Variants in FHIP1A observed in about 807,000 individuals in gnomAD.
The protein encoded by FHIP1A is FHF complex subunit HOOK-interacting protein 1A.
FHIP1A carries 61 observed loss-of-function variants against 88.6 expected under a neutral mutation model. The ratio of observed to expected loss-of-function variants is 0.69; its 90% CI spans 0.56 to 0.85. The LOEUF (loss-of-function observed/expected upper bound fraction) is 0.85. FHIP1A is among the 40% of genes least tolerant of loss of function. The pLI, the probability that FHIP1A is intolerant of heterozygous loss-of-function variation, is 0.00. For missense variants in FHIP1A, 1,154 were observed against 1,273.5 expected, an observed-to-expected ratio of 0.91 and a Z score of 1.43; for synonymous variants, 478 against 496.0, an observed-to-expected ratio of 0.96 and a Z score of 0.48.
At chr4:151,526,511 C>A (rs1426114989) in intron 3 of FHIP1A, among the ~76,000 whole-genome samples, 1 of 93,008 alleles carries the variant, frequency 1.1e-5, no homozygotes, top group African/African-American at 3.7e-5. Context: ...CCCTCCCGGA[C>A]GGGGCGGCCG....
chr4:151,430,926 CAG>C (rs1733568712), intron 1 of FHIP1A, among the ~76,000 whole-genome samples: 1 of 152,196 alleles, frequency 6.6e-6, no homozygotes, highest in Non-Finnish European at 1.5e-5. Context: ...ACCTGAGCAA[CAG>C]AGGTTTAGCT....
At chr4:151,595,210 AT>A (rs1256800108) in intron 7 of FHIP1A, among the ~76,000 whole-genome samples, 1 of 152,048 alleles carries the variant, frequency 6.6e-6, no homozygotes, top group Non-Finnish European at 1.5e-5. Flanking sequence ...TGTCCCAGAG[AT>A]TTTGGTATGT....
intron 1 of FHIP1A, among the ~76,000 whole-genome samples, chr4:151,449,846 G>A (rs1434420988): frequency 6.6e-6 from 1 of 152,192 alleles, no homozygotes; most frequent in Non-Finnish European, 1.5e-5. Context: ...TTGATGAAAT[G>A]TGAAATGACA....
At chr4:151,613,972 G>A (rs1735419089) in intron 7 of FHIP1A, among the ~76,000 whole-genome samples, 1 of 152,048 alleles carries the variant, frequency 6.6e-6, no homozygotes, top group Non-Finnish European at 1.5e-5. Flanking sequence ...AGACCAGCCT[G>A]GCTAATATGG....
chr4:151,513,070 C>T (rs899017809), intron 3 of FHIP1A, among the ~76,000 whole-genome samples: 33 of 152,266 alleles, frequency 2.2e-4, no homozygotes, highest in African/African-American at 6.0e-4. Flanking sequence ...AGGTTACCCT[C>T]AAAGGGAAGC....
At chr4:151,632,296 A>G (rs1468168754) in intron 8 of FHIP1A, among the ~76,000 whole-genome samples, 1 of 151,922 alleles carries the variant, frequency 6.6e-6, no homozygotes, top group Admixed American at 6.6e-5. Context: ...ATATGTGTAT[A>G]TATATATATG....
chr4:151,507,721 C>A (rs1472188361), intron 3 of FHIP1A, among the ~76,000 whole-genome samples: 1 of 152,116 alleles, frequency 6.6e-6, no homozygotes. Context: ...AGAAAAATCC[C>A]TACTGCTCTC....
chr4:151,471,056 G>A (rs1300583388), intron 2 of FHIP1A, among the ~76,000 whole-genome samples: 2 of 152,094 alleles, frequency 1.3e-5, no homozygotes, highest in Non-Finnish European at 2.9e-5. Flanking sequence ...AATCTGAGGG[G>A]AATCTTAGTA....
intron 3 of FHIP1A, among the ~76,000 whole-genome samples, chr4:151,533,629 T>C (rs1267318162): frequency 1.3e-5 from 2 of 152,210 alleles, no homozygotes; most frequent in Non-Finnish European, 2.9e-5. Flanking sequence ...TCAGATAGAA[T>C]AGTAAAATTT....
chr4:151,423,714 T>C (rs1008272785), intron 1 of FHIP1A, among the ~76,000 whole-genome samples: 4 of 152,202 alleles, frequency 2.6e-5, no homozygotes, highest in African/African-American at 9.7e-5. Flanking sequence ...ATTAGCACTC[T>C]TCTAGGGACT....
chr4:151,620,253 A>G (rs1447165404), intron 7 of FHIP1A, among the ~76,000 whole-genome samples: 1 of 152,188 alleles, frequency 6.6e-6, no homozygotes, highest in Non-Finnish European at 1.5e-5. Flanking sequence ...CATTTGCCAG[A>G]CTTTGTGTCC....
In FHIP1A at chr4:151,666,934, C is replaced by T. The variant is rs893696514; in HGVS notation, c.*4180C>T. 6.6e-6 allele frequency among the ~76,000 whole-genome samples: 1 copy of T among 152,166 alleles called. No homozygotes were observed. The highest frequency in any genetic ancestry group is 2.4e-5 in the African/African-American group (1 of 41,432). On this transcript the variant is annotated 3_prime_UTR_variant, in exon 14 of 14. Transcript: ENST00000435205. ...GTAAGCCCTTAATTTTAAATGGTCC[C>T]GGCGTGGTGTTCAGTATCTGCATAT...
At position 151,414,180 on chromosome 4, in the gene FHIP1A, A is replaced by G. The variant is rs966822663; in HGVS notation, c.-356+4715A>G. Among the ~76,000 whole-genome samples, 4 of 151,944 alleles carry G rather than the reference A, an allele frequency of 2.6e-5. 1 individual carries two copies. The highest frequency in any genetic ancestry group is 5.9e-5 in the Non-Finnish European group (4 of 67,986). ...ATTCTCTTGCCTTAGCCTCCCGAGT[A>G]GCTGGGACTACAGGCATGCGCCACC... On this transcript the variant is annotated intron_variant, in intron 1 of 13. Coordinates refer to ENST00000435205, the MANE Select transcript of FHIP1A (RefSeq NM_001109977.3).
At chr4:151,648,153 C>T (rs1294372265) in intron 10 of FHIP1A, among the ~76,000 whole-genome samples, 1 of 152,148 alleles carries the variant, frequency 6.6e-6, no homozygotes, top group African/African-American at 2.4e-5. Flanking sequence ...AGAGCCAAGA[C>T]TTAGGTTCTG....
intron 1 of FHIP1A, among the ~76,000 whole-genome samples, chr4:151,414,946 A>G (rs1732827837): frequency 6.6e-6 from 1 of 152,200 alleles, no homozygotes; most frequent in Admixed American, 6.5e-5. Flanking sequence ...TATATTCTGG[A>G]TAAACTGCTA....
At chr4:151,525,838 G>A (rs991526665) in intron 3 of FHIP1A, among the ~76,000 whole-genome samples, 2 of 151,508 alleles carry the variant, frequency 1.3e-5, no homozygotes, top group Non-Finnish European at 2.9e-5. Flanking sequence ...GACAATATTG[G>A]AGGGAAGGTC....
intron 1 of FHIP1A, among the ~76,000 whole-genome samples, chr4:151,435,350 A>C (rs1281146801): frequency 2.0e-5 from 3 of 152,172 alleles, no homozygotes; most frequent in Non-Finnish European, 4.4e-5. Flanking sequence ...CTCCCACCTG[A>C]GTGAGAACAT....
chr4:151,552,836 AAAG>A (rs1429054434), intron 3 of FHIP1A, among the ~76,000 whole-genome samples: 1 of 151,794 alleles, frequency 6.6e-6, no homozygotes. Context: ...AAAAAAAAAA[AAAG>A]AAAAAACAAA....
chr4:151,593,427 C>G (rs1377347051), intron 7 of FHIP1A, among the ~76,000 whole-genome samples: 1 of 152,168 alleles, frequency 6.6e-6, no homozygotes, highest in African/African-American at 2.4e-5. Flanking sequence ...TTTGTGTCCT[C>G]TCTTATTTCC....
Sources: allele counts gnomAD v4.1 joint callset (sites outside exome capture counted in the v4.1 genomes callset), GRCh38; gene constraint gnomAD v4.1.1; transcripts MANE v1.5; gene names NCBI Gene and HGNC (gene_info 2026-07-23, HGNC 2026-07-21).